ZNF229: variants seen among roughly 807,000 people sequenced by gnomAD.
The protein encoded by ZNF229 is zinc finger protein 229.
In ZNF229, 10 loss-of-function variants were observed where a neutral mutation model predicts 11.8. That is an observed-to-expected ratio of 0.85 (90% CI 0.52 to 1.44). The LOEUF is 1.44. ZNF229 is among the 40% of genes most tolerant of loss of function. The pLI is 0.00. For synonymous variants in ZNF229, 368 were observed against 374.8 expected (o/e 0.98, Z 0.21); for missense variants, 1,045 against 1,015.1 (o/e 1.03, Z -0.40).
At position 44,430,137 on chromosome 19, in the gene ZNF229, C is replaced by T. The variant is rs965363574; in HGVS notation, c.644G>A (p.Cys215Tyr). The T allele has an allele frequency of 1.9e-6, 3 of 1,614,016 alleles. No homozygotes were observed. The African/African-American group carries it at 4.0e-5, about 22-fold the overall frequency. ...NLDTEDTVYK[C>Y]NWDDDSFCWI... is the part of the protein sequence containing the mutation. ...GCAAAAGCTGTCATCATCCCAGTTA[C>T]ATTTATATACTGTGTCTTCTGTGTC... The change falls in exon 6 of 6, where the codon TGT (cysteine) becomes TAT (tyrosine). Residue 215 changes from cysteine (C) to tyrosine (Y), a missense_variant. Physicochemically the swap from Cys to Tyr is radical, Grantham distance 194. Coordinates refer to ENST00000614049, the MANE Select transcript of ZNF229 (RefSeq NM_014518.4).
chr19:44,438,947 C>T (rs1266726814), intron 4 of ZNF229, among the ~76,000 whole-genome samples: 3 of 152,196 alleles, frequency 2.0e-5, no homozygotes, highest in Admixed American at 6.5e-5. Context: ...GCAAATTAAT[C>T]AAACCCAAAG....
chr19:44,443,828 G>C (rs1971957020), intron 2 of ZNF229, among the ~76,000 whole-genome samples: 1 of 152,126 alleles, frequency 6.6e-6, no homozygotes, highest in African/African-American at 2.4e-5. Context: ...TTGTGACTTA[G>C]ACTAGTATAA....
intron 3 of ZNF229, 78 bp from the exon 4 acceptor site, chr19:44,442,699 C>A (rs989012128): frequency 1.2e-6 from 2 of 1,600,932 alleles, no homozygotes; most frequent in Non-Finnish European, 1.7e-6. Context: ...TAGGAAGGTG[C>A]CCAGCTTTAC....
In ZNF229 at chr19:44,427,264, G is replaced by C. The variant is rs892403381; in HGVS notation, c.*1039C>G. Reference sequence around the variant, plus strand: ...CCCCCCCCCCCGCCCCCACTGATGGGGGATTTGATGATTCTATTTTAATAC... The same window carrying C: ...CCCCCCCCCCCGCCCCCACTGATGGCGGATTTGATGATTCTATTTTAATAC... On this transcript the variant is annotated 3_prime_UTR_variant, in exon 6 of 6. Coordinates refer to ENST00000614049, the MANE Select transcript of ZNF229 (RefSeq NM_014518.4). The C allele has an allele frequency of 6.9e-6, 1 of 144,966 alleles. No individual in the cohort carries two copies. The highest frequency in any genetic ancestry group is 2.6e-5 in the African/African-American group (1 of 37,896). The allele number at this position is 144,966 out of a possible 1,614,324, so 9.0% of individuals were successfully genotyped here.
At position 44,428,207 on chromosome 19, in the gene ZNF229, G is replaced by T; in HGVS notation, c.*96C>A. On this transcript the variant is annotated 3_prime_UTR_variant, in exon 6 of 6. Transcript: ENST00000614049. ...TGTAAAATCATCAGTTTCTCCTATA[G>T]CCCTCCTACATGTCACTTTCCTATG... 1 of 1,344,180 alleles carries T rather than the reference G, an allele frequency of 7.4e-7. No individual in the cohort carries two copies. Among genetic ancestry groups the T allele is most frequent in the Non-Finnish European group, 1.0e-6 (1 of 981,626 alleles). 83.3% of individuals were successfully genotyped at this position (1,344,180 alleles called of 1,614,324 possible). A position where few individuals can be genotyped will look rare whatever the true frequency, so the allele number is the denominator to read the frequency against.
At chr19:44,442,680 T>A in intron 3 of ZNF229, 59 bp from the exon 4 acceptor site, 1 of 1,607,272 alleles carries the variant, frequency 6.2e-7, no homozygotes, top group Admixed American at 1.7e-5. Flanking sequence ...CTCTAGATCA[T>A]CTACCTGGTA....
intron 4 of ZNF229, among the ~76,000 whole-genome samples, chr19:44,435,761 C>T (rs1413373337): frequency 6.6e-6 from 1 of 152,138 alleles, no homozygotes; most frequent in Non-Finnish European, 1.5e-5. Flanking sequence ...AATTCTGAGG[C>T]ATAAGTAGAA....
At position 44,429,664 on chromosome 19, in the gene ZNF229, C is replaced by A; in HGVS notation, c.1117G>T (p.Gly373Ter). The A allele has an allele frequency of 6.2e-7, 1 of 1,614,166 alleles. No homozygotes were observed. Among genetic ancestry groups the A allele is most frequent in the South Asian group, 1.1e-5 (1 of 91,086 alleles). The stretch of plus-strand genomic sequence containing the variant: ...TCCTCACATTTATAGGGTCTCCTTC[C>A]TGTGTGCACCCCTTGATGAATAAGA... Reference protein sequence around the residue: ...VLLIHQGVHTGRRPYKCEECG... With the variant: ...VLLIHQGVHT The change falls in exon 6 of 6, where the codon GGA becomes TGA. Residue 373 changes from glycine to a stop codon, truncating the protein, a stop_gained. Coordinates refer to ENST00000614049, the MANE Select transcript of ZNF229 (RefSeq NM_014518.4). LOFTEE classifies it low-confidence loss of function (END_TRUNC).
rs1301575418 is a variant in ZNF229 at position 44,429,250 on chromosome 19, G to C, written c.1531C>G (p.His511Asp). Residue 511 changes from histidine to aspartate, a missense_variant, in exon 6 of 6, where the codon CAC becomes GAC. His to Asp is a moderately conservative substitution (Grantham distance 81). Transcript: ENST00000614049. ...CATTTGTACAGATGCTGCCCCATGT[G>C]AACTCTCTGGTGAGCTTGAAGGTAC... ...NSYLQAHQRV[H>D]MGQHLYKCNV... The C allele has an allele frequency of 1.2e-6, 2 of 1,613,916 alleles. No homozygotes were observed. The highest frequency in any genetic ancestry group is 1.3e-5 in the African/African-American group (1 of 74,810).
At chr19:44,437,181 T>C (rs1283901025) in intron 4 of ZNF229, among the ~76,000 whole-genome samples, 1 of 152,090 alleles carries the variant, frequency 6.6e-6, no homozygotes, top group African/African-American at 2.4e-5. Context: ...TTAATATAAA[T>C]ATTAAAGAGC....
Position 44,432,206 on chromosome 19 carries a change from G to C in ZNF229, c.238+16C>G. The C allele has an allele frequency of 2.5e-6, 4 of 1,604,750 alleles. No homozygotes were observed. Among genetic ancestry groups the C allele is most frequent in the Non-Finnish European group, 3.4e-6 (4 of 1,177,400 alleles). The stretch of plus-strand genomic sequence containing the variant: ...TCCAGGAACAAGAACACTCCAAGAA[G>C]TTCAGTTCCAATTACCCAGAGGATT... On this transcript the variant is annotated intron_variant, in intron 5 of 5. Transcript: ENST00000614049.
At chr19:44,434,695 G>A (rs745903616) in intron 4 of ZNF229, among the ~76,000 whole-genome samples, 98 of 152,296 alleles carry the variant, frequency 6.4e-4, no homozygotes, top group Non-Finnish European at 1.1e-3. Context: ...GAGTACCTGC[G>A]ACAAGGTATT....
intron 5 of ZNF229, chr19:44,431,922 G>C (rs1200092300): frequency 1.5e-6 from 1 of 657,002 alleles, no homozygotes; most frequent in East Asian, 9.6e-5. Context: ...AAAGAAATTA[G>C]TGTCCTTAGA....
rs1399480695 is a variant in ZNF229, at chr19:44,430,015, G to A, written c.766C>T (p.His256Tyr). The change falls in exon 6 of 6, where the codon CAT becomes TAT. Residue 256 changes from histidine (H) to tyrosine (Y), a missense_variant. Coordinates refer to ENST00000614049, the MANE Select transcript of ZNF229 (RefSeq NM_014518.4). ...CCATTCTCTCCAGGGTTAATGCGAT[G>A]AAGTACAGAGTTTTTAATGCAGTCT... ...RKDCIKNSVLHRINPGENGLK... is the reference protein window; with the variant it reads ...RKDCIKNSVLYRINPGENGLK... 2 of 1,614,036 alleles carry A rather than the reference G, an allele frequency of 1.2e-6. No homozygotes were observed. The highest frequency in any genetic ancestry group is 2.7e-5 in the African/African-American group (2 of 74,858).
In ZNF229 at chr19:44,428,369, G is replaced by A; in HGVS notation, c.2412C>T (p.Gly804=). 2.5e-6 allele frequency: 4 copies of A among 1,614,046 alleles called. No homozygotes were observed. Among genetic ancestry groups the A allele is most frequent in the South Asian group, 1.1e-5 (1 of 91,064 alleles). Residue 804 remains glycine (G), a synonymous_variant, in exon 6 of 6, where the codon GGC becomes GGT. Transcript: ENST00000614049. The part of the protein sequence containing the change: ...KPYTCGVCGK[G]FSYTSGLRNH... ...TCCGCAGACCTGAGGTATAACTGAA[G>A]CCTTTCCCACACACACCACACGTAT...
Position 44,448,314 on chromosome 19 carries a change from C to T in ZNF229, c.-271G>A, listed in dbSNP as rs1972038246. ...TCCTTACACCCCTGCCTCACCAGGC[C>T]GAGCTCATGGAAATCCGTGGGCTTC... On this transcript the variant is annotated 5_prime_UTR_variant, in exon 1 of 6. Coordinates refer to ENST00000614049, the MANE Select transcript of ZNF229 (RefSeq NM_014518.4). 1 of 152,346 alleles carries T rather than the reference C, an allele frequency of 6.6e-6. No individual in the cohort carries two copies. Among genetic ancestry groups the T allele is most frequent in the Non-Finnish European group, 1.5e-5 (1 of 68,124 alleles). The allele number at this position is 152,346 out of a possible 1,614,324, so 9.4% of individuals were successfully genotyped here.
intron 4 of ZNF229, among the ~76,000 whole-genome samples, chr19:44,433,965 C>T (rs187988375): frequency 6.6e-6 from 1 of 152,270 alleles, no homozygotes. Flanking sequence ...GACAGGGTTT[C>T]ACCATGTTAG....
chr19:44,445,808 A>G (rs1381642333), intron 2 of ZNF229, among the ~76,000 whole-genome samples: 2 of 152,344 alleles, frequency 1.3e-5, no homozygotes, highest in East Asian at 3.9e-4. Flanking sequence ...CTCAATAAAT[A>G]TTTAAATGGG....
At chr19:44,444,516 G>T (rs974348539) in intron 2 of ZNF229, among the ~76,000 whole-genome samples, 2 of 152,166 alleles carry the variant, frequency 1.3e-5, no homozygotes, top group Non-Finnish European at 2.9e-5. Flanking sequence ...AAGGACAAAG[G>T]GAAGAGTAGA....
Sources: gnomAD v4.1 joint callset for allele counts (sites outside exome capture counted in the v4.1 genomes callset) on GRCh38, gnomAD v4.1.1 for gene constraint, MANE v1.5 for transcripts, NCBI Gene and HGNC (gene_info 2026-07-23, HGNC 2026-07-21) for gene names.